Variants in MAP7D2 observed in about 807,000 individuals in gnomAD.
MAP7D2 encodes the protein MAP7 domain containing 2, also known as MAP7 domain-containing protein 2.
MAP7D2 carries 33 observed loss-of-function variants against 63.5 expected under a neutral mutation model. The observed-to-expected ratio is 0.52, with a 90% confidence interval of 0.39 to 0.70. The LOEUF (loss-of-function observed/expected upper bound fraction) is 0.70, where lower values mean the gene tolerates loss of function less well. Among genes scored for constraint, MAP7D2 ranks in the 30% least tolerant of loss-of-function variants. The probability of loss-of-function intolerance (pLI) is 0.00; values close to 1 mark genes in which losing one functional copy is unlikely to be tolerated. For missense variants in MAP7D2, 626 were observed against 604.0 expected, an observed-to-expected ratio of 1.04 and a Z score of -0.38; for synonymous variants, 224 against 223.7, an observed-to-expected ratio of 1.00 and a Z score of -0.01.
chrX:20,049,363 C>T, intron 6 of MAP7D2, among the ~76,000 whole-genome samples: 1 of 107,319 alleles, frequency 9.3e-6, no homozygotes, highest in Non-Finnish European at 1.9e-5. Flanking sequence ...TCTCCACCTC[C>T]TGGGCTCAAG....
intron 15 of MAP7D2, 127 bp from the exon 16 acceptor site, chrX:20,011,179 GT>G: frequency 1.4e-6 from 1 of 701,815 alleles, no homozygotes; most frequent in Non-Finnish European, 2.0e-6. Context: ...TAGAGTCAGA[GT>G]TTTTGTGTAA....
chrX:20,019,675 A>G (rs1242605988), intron 10 of MAP7D2, among the ~76,000 whole-genome samples: 1 of 111,759 alleles, frequency 8.9e-6, no homozygotes, highest in Non-Finnish European at 1.9e-5. Context: ...TTCATTTTAA[A>G]ACAAGCCTAA....
intron 6 of MAP7D2, among the ~76,000 whole-genome samples, chrX:20,050,015 T>C (rs1196486836): frequency 8.9e-6 from 1 of 112,430 alleles, no homozygotes; most frequent in Non-Finnish European, 1.9e-5. Flanking sequence ...TGGAAGCAGC[T>C]ACAACTAGGC....
intron 1 of MAP7D2, among the ~76,000 whole-genome samples, chrX:20,113,954 A>G (rs1041270659): frequency 9.0e-6 from 1 of 111,563 alleles, no homozygotes; most frequent in Non-Finnish European, 1.9e-5. Context: ...ATACCCATTA[A>G]CCATTCCTAC....
At chrX:20,096,000 T>C (rs1472297628) in intron 1 of MAP7D2, among the ~76,000 whole-genome samples, 1 of 98,848 alleles carries the variant, frequency 1.0e-5, no homozygotes, top group Non-Finnish European at 2.0e-5. Context: ...GAGAATCACT[T>C]GATACCGGGA....
At position 20,011,017 on chromosome X, in the gene MAP7D2, T is replaced by C. The variant is rs950017166; in HGVS notation, c.2108A>G (p.Glu703Gly). 9.1e-6 allele frequency: 11 copies of C among 1,208,471 alleles called. No homozygotes were observed. In the African/African-American group the frequency reaches 1.6e-4, roughly 17 times the overall value. Residue 703 changes from glutamate to glycine, a missense_variant, in exon 16 of 17, where the codon GAA becomes GGA. Transcript: ENST00000379643. ...VSKEELISIP[E>G]FSPVSEMIPG... ...AATCATTTCACTCACTGGTGAAAAT[T>C]CCGGGATAGAGATAAGCTCTTCTTT...
chrX:20,103,006 G>C (rs1026198037), intron 1 of MAP7D2, among the ~76,000 whole-genome samples: 1 of 111,220 alleles, frequency 9.0e-6, no homozygotes, highest in African/African-American at 3.3e-5. Flanking sequence ...AAGCTAGAAT[G>C]AAAGAGCTGA....
intron 1 of MAP7D2, among the ~76,000 whole-genome samples, chrX:20,070,237 G>A (rs141869032): frequency 2.1e-3 from 235 of 110,153 alleles, no homozygotes; most frequent in Middle Eastern, 0.019. Flanking sequence ...ATGAGCCACC[G>A]CGCCTGGCCT....
intron 7 of MAP7D2, among the ~76,000 whole-genome samples, chrX:20,043,627 C>T (rs1280947724): frequency 8.9e-6 from 1 of 112,271 alleles, no homozygotes; most frequent in East Asian, 2.8e-4. Context: ...AGACCTTGTA[C>T]CAGAACCACT....
At chrX:20,035,012 G>T (rs992958933) in intron 8 of MAP7D2, among the ~76,000 whole-genome samples, 1 of 111,419 alleles carries the variant, frequency 9.0e-6, no homozygotes, top group Non-Finnish European at 1.9e-5. Flanking sequence ...ACCTTATCCA[G>T]CTACTCCCTT....
intron 3 of MAP7D2, among the ~76,000 whole-genome samples, chrX:20,060,775 C>G (rs978943900): frequency 9.0e-6 from 1 of 110,876 alleles, no homozygotes; most frequent in African/African-American, 3.3e-5. Context: ...CACCCCACCC[C>G]TCCCTGGGAC....
chrX:20,113,044 G>A (rs1395163451), intron 1 of MAP7D2, among the ~76,000 whole-genome samples: 1 of 111,783 alleles, frequency 8.9e-6, no homozygotes, highest in African/African-American at 3.3e-5. Context: ...TGTCACCATG[G>A]CTAGGATATG....
rs201151872 is a variant in MAP7D2, at chrX:20,023,329, C to A, written c.1412+1622G>T. Reference sequence around the variant, plus strand: ...ATGGCAGGGACACTGGCAGAACAGGCGGGAGCAGTGCTGTTCGGGAGAGCT... The same window carrying A: ...ATGGCAGGGACACTGGCAGAACAGGAGGGAGCAGTGCTGTTCGGGAGAGCT... On this transcript the variant is annotated intron_variant, in intron 10 of 16. Transcript: ENST00000379643. Among the ~76,000 whole-genome samples, 10 of 112,439 alleles carry A rather than the reference C, an allele frequency of 8.9e-5. No individual in the cohort carries two copies. In the East Asian group the frequency reaches 2.2e-3, roughly 25 times the overall value.
intron 1 of MAP7D2, among the ~76,000 whole-genome samples, chrX:20,066,339 C>T (rs1271344893): frequency 8.9e-6 from 1 of 111,924 alleles, no homozygotes; most frequent in Non-Finnish European, 1.9e-5. Context: ...GAGGTTCCTG[C>T]TGCTGTCCAG....
chrX:20,030,455 A>C (rs2074012247), intron 8 of MAP7D2, among the ~76,000 whole-genome samples: 4 of 112,244 alleles, frequency 3.6e-5, no homozygotes, highest in African/African-American at 1.3e-4. Flanking sequence ...AGGCAGTATG[A>C]TATAACCTTT....
At chrX:20,071,872 T>C (rs747777312) in intron 1 of MAP7D2, among the ~76,000 whole-genome samples, 22 of 111,369 alleles carry the variant, frequency 2.0e-4, no homozygotes, top group Non-Finnish European at 4.0e-4. Flanking sequence ...CCCTGGTTGA[T>C]CTTTAACTCC....
chrX:20,029,286 C>T (rs1266342194), intron 8 of MAP7D2, among the ~76,000 whole-genome samples: 1 of 112,426 alleles, frequency 8.9e-6, no homozygotes, highest in Non-Finnish European at 1.9e-5. Context: ...TGGCTGCAGC[C>T]TCAGCAGCCA....
At chrX:20,039,997 C>CA (rs759631358) in intron 8 of MAP7D2, among the ~76,000 whole-genome samples, 7,031 of 28,933 alleles carry the variant, frequency 0.24, 699 homozygotes, top group Non-Finnish European at 0.29. Flanking sequence ...GACTCCATCT[C>CA]AAAAAAAAAA....
chrX:20,033,888 T>C (rs1427758301), intron 8 of MAP7D2, among the ~76,000 whole-genome samples: 2 of 111,787 alleles, frequency 1.8e-5, no homozygotes, highest in Non-Finnish European at 3.8e-5. Context: ...TTTCCAACAA[T>C]GAGTATGCAA....
Sources: allele counts gnomAD v4.1 joint callset (sites outside exome capture counted in the v4.1 genomes callset), GRCh38; gene constraint gnomAD v4.1.1; transcripts MANE v1.5; gene names NCBI Gene and HGNC (gene_info 2026-07-23, HGNC 2026-07-21).